ROR1: variants seen among roughly 807,000 people sequenced by gnomAD.
The protein encoded by ROR1 is ROR family WNT receptor 1.
A neutral mutation model predicts 78.8 loss-of-function variants in ROR1; 19 were observed. The observed-to-expected ratio is 0.24, with a 90% CI of 0.17 to 0.35. The LOEUF is 0.35. Among genes scored for constraint, ROR1 ranks in the 10% least tolerant of loss-of-function variants. ROR1 has a pLI of 1.00. For missense variants in ROR1, 917 were observed against 1,177.8 expected (o/e 0.78, Z 3.24); for synonymous variants, 386 against 433.6 (o/e 0.89, Z 1.36).
chr1:64,113,712 T>G (rs901632262), intron 4 of ROR1: 7 of 151,248 alleles, frequency 4.6e-5, no homozygotes, highest in Admixed American at 4.6e-4. Flanking sequence ...TCAAAGACCC[T>G]CATTTGAAGC....
intron 1 of ROR1, among the ~76,000 whole-genome samples, chr1:63,953,323 A>T (rs1645955573): frequency 6.6e-6 from 1 of 152,198 alleles, no homozygotes; most frequent in Non-Finnish European, 1.5e-5. Context: ...ATATGTTCCA[A>T]GATGCCCACT....
rs186186854 is a variant in ROR1, at chr1:64,180,360, A to G, written c.*1505A>G. ...CTTCTAAAGAGACTTACGGGATATA[A>G]AAGTAATTCCTGGAAATGATATTTG... On this transcript the variant is annotated 3_prime_UTR_variant, in exon 9 of 9. Transcript: ENST00000371079. 6.6e-6 allele frequency: 1 copy of G among 152,350 alleles called. No individual in the cohort carries two copies. Among genetic ancestry groups the G allele is most frequent in the African/African-American group, 2.4e-5 (1 of 41,586 alleles). The allele number at this position is 152,350 out of a possible 1,614,324, so 9.4% of individuals were successfully genotyped here. A position where few individuals can be genotyped will look rare whatever the true frequency, so the allele number is the denominator to read the frequency against.
At chr1:63,867,233 A>C (rs1645221853) in intron 1 of ROR1, among the ~76,000 whole-genome samples, 1 of 152,240 alleles carries the variant, frequency 6.6e-6, no homozygotes, top group African/African-American at 2.4e-5. Flanking sequence ...TACTTTTAAA[A>C]AATGAACAAA....
At chr1:64,016,733 T>TTATATATATATATATATATA (rs58622476) in intron 2 of ROR1, among the ~76,000 whole-genome samples, 4,100 of 140,232 alleles carry the variant, frequency 0.029, 113 homozygotes, top group South Asian at 0.054. Context: ...TAAAATATAA[T>TTATATATATATATATATATA]TATATATATA....
intron 1 of ROR1, among the ~76,000 whole-genome samples, chr1:63,931,267 G>A (rs1410824152): frequency 6.6e-6 from 1 of 152,206 alleles, no homozygotes; most frequent in Non-Finnish European, 1.5e-5. Context: ...GGGTGACAGA[G>A]TGAGACTCTG....
intron 1 of ROR1, among the ~76,000 whole-genome samples, chr1:63,862,309 G>A (rs370837661): frequency 3.5e-5 from 5 of 142,982 alleles, no homozygotes; most frequent in African/African-American, 1.1e-4. Flanking sequence ...CAGGAGAATC[G>A]CTTGAACCCA....
rs1293164283 is a variant in ROR1 at position 64,180,914 on chromosome 1, TATTTTA to T, written c.*2061_*2066del. ...GTTTTTTATAAAGAACTATAACATT[TATTTTA>T]AACATTTTATAATAACTGAAAACAT... On this transcript the variant is annotated 3_prime_UTR_variant, in exon 9 of 9. Coordinates refer to ENST00000371079, the MANE Select transcript of ROR1 (RefSeq NM_005012.4). 6.6e-6 allele frequency: 1 copy of T among 152,160 alleles called. No individual in the cohort carries two copies. The highest frequency in any genetic ancestry group is 2.4e-5 in the African/African-American group (1 of 41,464). The allele number at this position is 152,160 out of a possible 1,614,324, so 9.4% of individuals were successfully genotyped here. A position where few individuals can be genotyped will look rare whatever the true frequency, so the allele number is the denominator to read the frequency against.
chr1:63,889,033 G>A (rs1257268413), intron 1 of ROR1, among the ~76,000 whole-genome samples: 1 of 152,120 alleles, frequency 6.6e-6, no homozygotes, highest in Non-Finnish European at 1.5e-5. Context: ...GTCTCTAAAG[G>A]CCTGACCAGG....
At chr1:63,818,533 T>C (rs1455251488) in intron 1 of ROR1, among the ~76,000 whole-genome samples, 1 of 152,238 alleles carries the variant, frequency 6.6e-6, no homozygotes, top group Non-Finnish European at 1.5e-5. Context: ...TGCCCTTCTG[T>C]TCCTTTGATT....
chr1:63,965,671 G>A (rs1194194239), intron 1 of ROR1, among the ~76,000 whole-genome samples: 2 of 151,960 alleles, frequency 1.3e-5, no homozygotes, highest in African/African-American at 4.8e-5. Context: ...ATTCTATTGT[G>A]CTGTTATCAC....
At chr1:63,991,516 G>C (rs896009229) in intron 1 of ROR1, among the ~76,000 whole-genome samples, 2 of 152,092 alleles carry the variant, frequency 1.3e-5, no homozygotes, top group African/African-American at 4.8e-5. Flanking sequence ...CACACTGCCT[G>C]GTGAGACCCC....
At chr1:64,103,897 G>A (rs993997634) in intron 4 of ROR1, among the ~76,000 whole-genome samples, 2 of 152,052 alleles carry the variant, frequency 1.3e-5, no homozygotes, top group Non-Finnish European at 2.9e-5. Flanking sequence ...CTAGTGAGGG[G>A]GATTTTGCCT....
chr1:64,034,183 ATTT>A (rs35110436), intron 2 of ROR1, among the ~76,000 whole-genome samples: 1 of 144,062 alleles, frequency 6.9e-6, no homozygotes. Context: ...TTGCTTTTTC[ATTT>A]TTTTTTTTTT....
At chr1:63,979,912 A>G (rs1646195514) in intron 1 of ROR1, among the ~76,000 whole-genome samples, 2 of 152,232 alleles carry the variant, frequency 1.3e-5, no homozygotes, top group Admixed American at 1.3e-4. Flanking sequence ...GCACAAAACA[A>G]CAATGCACAT....
At chr1:63,795,248 C>T (rs550344217) in intron 1 of ROR1, among the ~76,000 whole-genome samples, 2 of 152,332 alleles carry the variant, frequency 1.3e-5, no homozygotes, top group Admixed American at 6.5e-5. Flanking sequence ...CGGAGGTTCC[C>T]TCTTGCAAGG....
intron 1 of ROR1, among the ~76,000 whole-genome samples, chr1:63,987,929 T>G (rs1359024864): frequency 6.6e-6 from 1 of 152,180 alleles, no homozygotes; most frequent in Admixed American, 6.6e-5. Flanking sequence ...CTGAAATGGA[T>G]TCCTTATTCT....
intron 2 of ROR1, among the ~76,000 whole-genome samples, chr1:64,013,275 CTTAGATT>C (rs918649584): frequency 1.3e-5 from 2 of 152,158 alleles, no homozygotes; most frequent in African/African-American, 4.8e-5. Context: ...GGGTAGACAT[CTTAGATT>C]CTGATAAATC....
At chr1:64,041,658 T>C (rs1646746693) in intron 2 of ROR1, among the ~76,000 whole-genome samples, 1 of 152,206 alleles carries the variant, frequency 6.6e-6, no homozygotes, top group Admixed American at 6.5e-5. Context: ...AGGCACATTA[T>C]TGGCCATTTG....
intron 2 of ROR1, among the ~76,000 whole-genome samples, chr1:64,046,782 G>A (rs1390393759): frequency 6.6e-6 from 1 of 152,212 alleles, no homozygotes; most frequent in Non-Finnish European, 1.5e-5. Flanking sequence ...CTGGTGGAGT[G>A]AAAAGATTTG....
Sources: gnomAD v4.1 joint callset for allele counts (sites outside exome capture counted in the v4.1 genomes callset) on GRCh38, gnomAD v4.1.1 for gene constraint, MANE v1.5 for transcripts, NCBI Gene and HGNC (gene_info 2026-07-23, HGNC 2026-07-21) for gene names.